The following MAPRE2 variants were observed in gnomAD, a reference collection of about 807,000 sequenced individuals.
MAPRE2 encodes the protein microtubule-associated protein RP/EB family member 2.
Under a neutral mutation model 43.2 loss-of-function variants are expected in MAPRE2, and 13 were observed. The ratio of observed to expected loss-of-function variants is 0.30; its 90% confidence interval spans 0.20 to 0.48. The LOEUF (loss-of-function observed/expected upper bound fraction) is 0.48, where lower values mean the gene tolerates loss of function less well. MAPRE2 is among the 20% of genes least tolerant of loss of function. MAPRE2 has a pLI of 0.99. For synonymous variants in MAPRE2, 135 were observed against 148.8 expected (o/e 0.91, Z 0.68); for missense variants, 161 against 400.2 (o/e 0.40, Z 5.10).
At chr18:34,990,681 A>G (rs1027296593) in intron 1 of MAPRE2, among the ~76,000 whole-genome samples, 2 of 152,088 alleles carry the variant, frequency 1.3e-5, no homozygotes, top group Non-Finnish European at 2.9e-5. Context: ...AAAATTTTAG[A>G]CAGTCAAAAG....
intron 2 of MAPRE2, among the ~76,000 whole-genome samples, chr18:35,078,744 A>G (rs1414954367): frequency 1.3e-5 from 2 of 151,576 alleles, no homozygotes; most frequent in East Asian, 3.9e-4. Context: ...AAGAAAAGAA[A>G]GAAAGTCTTT....
At chr18:35,035,508 A>C (rs1280675360) in intron 2 of MAPRE2, among the ~76,000 whole-genome samples, 1 of 152,058 alleles carries the variant, frequency 6.6e-6, no homozygotes, top group Non-Finnish European at 1.5e-5. Flanking sequence ...AACTTAAAGT[A>C]TAATAAAAAT....
At chr18:35,082,842 A>G (rs886494395) in intron 2 of MAPRE2, among the ~76,000 whole-genome samples, 1 of 152,036 alleles carries the variant, frequency 6.6e-6, no homozygotes, top group African/African-American at 2.4e-5. Flanking sequence ...ATATTTATGT[A>G]TCTATATTTA....
chr18:35,044,014 G>A (rs1017885527), intron 1 of MAPRE2, among the ~76,000 whole-genome samples: 3 of 152,226 alleles, frequency 2.0e-5, no homozygotes, highest in African/African-American at 4.8e-5. Context: ...TGAAAGCGAA[G>A]AGTAGAGATT....
chr18:35,021,303 C>A (rs2097041822), intron 2 of MAPRE2, among the ~76,000 whole-genome samples: 3 of 152,078 alleles, frequency 2.0e-5, no homozygotes, highest in Admixed American at 2.0e-4. Context: ...AGTTTTGCTC[C>A]CATCTTCCCA....
chr18:35,106,218 C>T (rs574407760), intron 4 of MAPRE2, among the ~76,000 whole-genome samples: 75 of 152,172 alleles, frequency 4.9e-4, no homozygotes, highest in African/African-American at 1.7e-3. Context: ...CATTAGTGGA[C>T]GTAAGCAGTG....
intron 1 of MAPRE2, among the ~76,000 whole-genome samples, chr18:34,982,603 C>T (rs1221283654): frequency 6.6e-6 from 1 of 152,126 alleles, no homozygotes; most frequent in Non-Finnish European, 1.5e-5. Context: ...AATTTTTGTT[C>T]CAAATTTGCA....
chr18:35,054,729 T>C (rs1390833169), intron 1 of MAPRE2, among the ~76,000 whole-genome samples: 1 of 152,208 alleles, frequency 6.6e-6, no homozygotes, highest in Non-Finnish European at 1.5e-5. Flanking sequence ...GATTACTTGG[T>C]TTTTTTCCTG....
chr18:35,121,717 T>A (rs976746450), intron 4 of MAPRE2, among the ~76,000 whole-genome samples: 3 of 152,190 alleles, frequency 2.0e-5, no homozygotes, highest in Admixed American at 6.5e-5. Context: ...CACATAAGCA[T>A]CATTGAGCCA....
intron 1 of MAPRE2, among the ~76,000 whole-genome samples, chr18:35,060,717 TTGTC>T (rs752367538): frequency 2.0e-5 from 3 of 152,240 alleles, no homozygotes; most frequent in Non-Finnish European, 4.4e-5. Context: ...TTTTGAAAGT[TTGTC>T]TTTTTTGTTT....
At chr18:34,981,373 C>A (rs2097016117) in intron 1 of MAPRE2, among the ~76,000 whole-genome samples, 1 of 149,860 alleles carries the variant, frequency 6.7e-6, no homozygotes, top group African/African-American at 2.5e-5. Flanking sequence ...GAGGGAGATG[C>A]CATCTTAAAA....
In MAPRE2 at chr18:34,996,136, T is replaced by C. The variant is rs1022806177; in HGVS notation, c.-69-9356T>C. On this transcript the variant is annotated intron_variant, in intron 1 of 7. Transcript: ENST00000413393. The stretch of plus-strand genomic sequence containing the variant: ...CCCAAGAAAACAGCAGTCAGGAATT[T>C]TTCCACCCCTGCTGTCAATATCATT... Among the ~76,000 whole-genome samples the C allele has an allele frequency of 2.6e-5, 4 of 152,178 alleles. No individual in the cohort carries two copies. The East Asian group carries it at 7.7e-4, about 29-fold the overall frequency.
At chr18:35,131,208 C>T (rs931880998) in intron 5 of MAPRE2, among the ~76,000 whole-genome samples, 6 of 152,188 alleles carry the variant, frequency 3.9e-5, no homozygotes, top group Non-Finnish European at 7.3e-5. Context: ...TCTAGCTAAG[C>T]GTGGCTTCCA....
intron 2 of MAPRE2, among the ~76,000 whole-genome samples, chr18:35,074,755 C>T (rs1218014878): frequency 6.6e-6 from 1 of 152,022 alleles, no homozygotes; most frequent in Non-Finnish European, 1.5e-5. Flanking sequence ...TGCACCTTGC[C>T]TCCCTCCTCC....
rs534778969 is a variant in MAPRE2, at chr18:35,035,553, G to T, written c.-8+30000G>T. ...TTGCAGTGCCTCCTACCTGTTAAAA[G>T]ATTTCATTATTTTCTTCAGTAGTTA... On this transcript the variant is annotated intron_variant, in intron 2 of 7. Transcript: ENST00000413393. Among the ~76,000 whole-genome samples the T allele has an allele frequency of 2.6e-4, 39 of 151,936 alleles. No individual in the cohort carries two copies. In the South Asian group the frequency reaches 7.9e-3, roughly 31 times the overall value.
At chr18:35,124,392 A>T (rs1315491726) in intron 4 of MAPRE2, among the ~76,000 whole-genome samples, 5 of 152,174 alleles carry the variant, frequency 3.3e-5, no homozygotes, top group Admixed American at 3.3e-4. Flanking sequence ...TGTGGGGATT[A>T]TGGGAACTAC....
At chr18:35,083,578 C>T (rs935540361) in intron 2 of MAPRE2, among the ~76,000 whole-genome samples, 2 of 152,290 alleles carry the variant, frequency 1.3e-5, no homozygotes, top group African/African-American at 4.8e-5. Flanking sequence ...CCATTCCTGC[C>T]CTGTGCTCCC....
At chr18:35,139,316 G>A (rs770584727) in intron 6 of MAPRE2, among the ~76,000 whole-genome samples, 11 of 152,190 alleles carry the variant, frequency 7.2e-5, no homozygotes, top group Non-Finnish European at 1.6e-4. Context: ...CACAGAAGCT[G>A]TGTGCCCTTA....
chr18:35,058,855 C>G (rs1478183641), intron 1 of MAPRE2, among the ~76,000 whole-genome samples: 1 of 152,188 alleles, frequency 6.6e-6, no homozygotes, highest in Non-Finnish European at 1.5e-5. Flanking sequence ...CCTGCTTAAT[C>G]TCATGACATA....
Sources: allele counts gnomAD v4.1 joint callset (sites outside exome capture counted in the v4.1 genomes callset), GRCh38; gene constraint gnomAD v4.1.1; transcripts MANE v1.5; gene names NCBI Gene and HGNC (gene_info 2026-07-23, HGNC 2026-07-21).